PCDHGA4: variants seen among roughly 807,000 people sequenced by gnomAD.
PCDHGA4 encodes protocadherin gamma subfamily A, 4.
A neutral mutation model predicts 54.6 loss-of-function variants in PCDHGA4; 38 were observed. That is an observed-to-expected ratio of 0.70 (90% CI 0.54 to 0.91). The LOEUF is 0.91. PCDHGA4 is among the 40% of genes least tolerant of loss of function. The pLI is 0.00. For synonymous variants in PCDHGA4, 511 were observed against 512.9 expected (o/e 1.00, Z 0.05); for missense variants, 1,298 against 1,220.9 (o/e 1.06, Z -0.94).
At chr5:141,385,003 T>C (rs1480894446) in intron 1 of PCDHGA4, 1 of 1,614,148 alleles carries the variant, frequency 6.2e-7, no homozygotes, top group South Asian at 1.1e-5. Context: ...CACAGTCTCC[T>C]GCGTCTTCCT....
chr5:141,393,414 G>C lies in PCDHGA4; in HGVS notation c.2514+35793G>C, dbSNP rs199973289. 738 of 1,614,038 alleles carry C rather than the reference G, an allele frequency of 4.6e-4. No individual in the cohort carries two copies. The highest frequency in any genetic ancestry group is 5.2e-4 in the Non-Finnish European group (617 of 1,179,898). Reference sequence around the variant, plus strand: ...AGAGCTGGTGCTGGAGCGCGCCCTGGACAGGGAGGAAGAGGCTGCTCACCA... The same window carrying C: ...AGAGCTGGTGCTGGAGCGCGCCCTGCACAGGGAGGAAGAGGCTGCTCACCA... On this transcript the variant is annotated intron_variant, in intron 1 of 3. Coordinates refer to ENST00000571252, the MANE Select transcript of PCDHGA4 (RefSeq NM_018917.4).
In PCDHGA4 at chr5:141,355,915, G is replaced by C; in HGVS notation, c.808G>C (p.Ala270Pro). The change falls in exon 1 of 4, where the codon GCT becomes CCT. Residue 270 changes from alanine (A) to proline (P), a missense_variant. Ala to Pro is a conservative substitution (Grantham distance 27). Coordinates refer to ENST00000571252, the MANE Select transcript of PCDHGA4 (RefSeq NM_018917.4). ...LIILVDTNDN[A>P]PVFTQPEYHV... ...AATACTTGTGGATACCAACGATAAT[G>C]CTCCCGTGTTCACTCAGCCCGAGTA... 1.2e-6 allele frequency: 2 copies of C among 1,613,748 alleles called. No homozygotes were observed. The highest frequency in any genetic ancestry group is 1.7e-6 in the Non-Finnish European group (2 of 1,179,830).
At position 141,365,023 on chromosome 5, in the gene PCDHGA4, G is replaced by A. The variant is rs775697621; in HGVS notation, c.2514+7402G>A. On this transcript the variant is annotated intron_variant, in intron 1 of 3. Transcript: ENST00000571252. Reference sequence around the variant, plus strand: ...CCGGCACCACGCACATCCGTGTTACGGTCCTCGACGCAAACGACAATGCGC... The same window carrying A: ...CCGGCACCACGCACATCCGTGTTACAGTCCTCGACGCAAACGACAATGCGC... 1.5e-4 allele frequency: 249 copies of A among 1,613,736 alleles called. No homozygotes were observed. The Middle Eastern group carries it at 3.6e-3, about 23-fold the overall frequency.
chr5:141,450,110 G>C (rs2098669636), intron 1 of PCDHGA4, among the ~76,000 whole-genome samples: 1 of 147,716 alleles, frequency 6.8e-6, no homozygotes. Context: ...AGGTTCAAAT[G>C]ATTCTCCTGC....
chr5:141,450,823 A>AT (rs1453980247), intron 1 of PCDHGA4, among the ~76,000 whole-genome samples: 4 of 133,078 alleles, frequency 3.0e-5, no homozygotes, highest in African/African-American at 1.2e-4. Context: ...TAATATTATT[A>AT]TTATTATTTT....
At position 141,493,061 on chromosome 5, in the gene PCDHGA4, C is replaced by G. The variant is rs1386090478; in HGVS notation, c.2515-1746C>G. On this transcript the variant is annotated intron_variant, in intron 1 of 3. Transcript: ENST00000571252. The surrounding 1 kb of genome is among the most constrained non-coding windows in gnomAD (Gnocchi z 4.3). The stretch of plus-strand genomic sequence containing the variant: ...GAGGAAACTACAATAGTAAAAAACA[C>G]AAGTTTCTCCAACTCCAGGAGCTTT... Among the ~76,000 whole-genome samples the G allele has an allele frequency of 6.6e-6, 1 of 152,228 alleles. No individual in the cohort carries two copies. Among genetic ancestry groups the G allele is most frequent in the African/African-American group, 2.4e-5 (1 of 41,446 alleles).
chr5:141,370,423 C>T, intron 1 of PCDHGA4: 1 of 1,586,808 alleles, frequency 6.3e-7, no homozygotes, highest in African/African-American at 1.3e-5. Context: ...TGGAGGGGCC[C>T]AGCAGGGCAG....
At chr5:141,372,680 C>T in intron 1 of PCDHGA4, 1 of 1,614,016 alleles carries the variant, frequency 6.2e-7, no homozygotes, top group South Asian at 1.1e-5. Context: ...ATTCCTCAAA[C>T]ACCGAGTTTA....
chr5:141,418,753 A>G, intron 1 of PCDHGA4: 2 of 1,613,974 alleles, frequency 1.2e-6, no homozygotes, highest in South Asian at 2.2e-5. Context: ...ATTACACTAC[A>G]GGAAACATTC....
At chr5:141,371,718 A>C in intron 1 of PCDHGA4, 1 of 1,614,064 alleles carries the variant, frequency 6.2e-7, no homozygotes, top group Non-Finnish European at 8.5e-7. Flanking sequence ...CACTCTGCAC[A>C]TCCTTGATGT....
intron 1 of PCDHGA4, chr5:141,371,014 A>G (rs765278378): frequency 8.7e-6 from 14 of 1,613,890 alleles, no homozygotes; most frequent in South Asian, 1.1e-5. Flanking sequence ...GAGCAGCCAC[A>G]TCACCACCTG....
Position 141,406,737 on chromosome 5 carries a change from T to C in PCDHGA4, c.2514+49116T>C, listed in dbSNP as rs540886306. 1.1e-4 allele frequency among the ~76,000 whole-genome samples: 16 copies of C among 152,348 alleles called. No homozygotes were observed. The South Asian group carries it at 3.3e-3, about 32-fold the overall frequency. ...AAGAGAAGTTTCTAAGACTGGACAC[T>C]GTGAAATGACAAAACAAGGAATTAA... On this transcript the variant is annotated intron_variant, in intron 1 of 3. Coordinates refer to ENST00000571252, the MANE Select transcript of PCDHGA4 (RefSeq NM_018917.4).
intron 1 of PCDHGA4, chr5:141,372,633 A>G: frequency 6.2e-7 from 1 of 1,613,996 alleles, no homozygotes; most frequent in South Asian, 1.1e-5. Context: ...CAGCGAAAGG[A>G]CTTTGCCTTA....
rs1251686604 is a variant in PCDHGA4 at position 141,485,257 on chromosome 5, T to C, written c.2515-9550T>C. ...TCTTTTACCACCTGGGTTACGTTTG[T>C]GGGCAGATCCGCTACCCGGTCCCAG... is the stretch of plus-strand genomic sequence containing the variant. On this transcript the variant is annotated intron_variant, in intron 1 of 3. Coordinates refer to ENST00000571252, the MANE Select transcript of PCDHGA4 (RefSeq NM_018917.4). This position sits in a 1 kb window ranked among gnomAD's most constrained non-coding sequence, Gnocchi z 5.7. The C allele has an allele frequency of 6.2e-7, 1 of 1,614,154 alleles. No homozygotes were observed.
intron 2 of PCDHGA4, among the ~76,000 whole-genome samples, chr5:141,498,451 T>C (rs1426888821): frequency 6.6e-6 from 1 of 152,126 alleles, no homozygotes; most frequent in Non-Finnish European, 1.5e-5. Context: ...AGGTTCCTTT[T>C]ATCCAGTCTA....
intron 1 of PCDHGA4, chr5:141,427,916 G>T: frequency 1.3e-6 from 2 of 1,578,854 alleles, no homozygotes; most frequent in East Asian, 2.2e-5. Flanking sequence ...GCGCCAACAT[G>T]AGCCGGCGCA....
intron 1 of PCDHGA4, chr5:141,376,145 G>A: frequency 6.2e-7 from 1 of 1,613,994 alleles, no homozygotes; most frequent in Non-Finnish European, 8.5e-7. Context: ...CAACGATTCG[G>A]ACCTCACTCT....
chr5:141,378,119 G>A (rs1412148490), intron 1 of PCDHGA4: 1 of 152,132 alleles, frequency 6.6e-6, no homozygotes, highest in East Asian at 1.9e-4. Context: ...TAGTGAACAC[G>A]TATTTGTTGA....
chr5:141,428,106 C>T, intron 1 of PCDHGA4: 1 of 1,608,152 alleles, frequency 6.2e-7, no homozygotes. Context: ...CCACGTGCTG[C>T]AGGCCATCGA....
Sources: allele counts gnomAD v4.1 joint callset (sites outside exome capture counted in the v4.1 genomes callset), GRCh38; gene constraint gnomAD v4.1.1; non-coding constraint Gnocchi (gnomAD v3.1); transcripts MANE v1.5; gene names NCBI Gene and HGNC (gene_info 2026-07-23, HGNC 2026-07-21).